The following CTNNA3 variants were observed in gnomAD, a reference collection of about 807,000 sequenced individuals.
CTNNA3 encodes the protein catenin alpha 3, also known as catenin alpha-3.
CTNNA3 carries 76 observed loss-of-function variants against 95.7 expected under a neutral mutation model. The observed-to-expected ratio is 0.79, with a 90% CI of 0.66 to 0.96. The LOEUF (loss-of-function observed/expected upper bound fraction) is 0.96, where lower values mean the gene tolerates loss of function less well. CTNNA3 is among the 40% of genes least tolerant of loss of function. The pLI is 0.00. For missense variants in CTNNA3, 1,191 were observed against 1,089.8 expected (o/e 1.09, Z -1.31); for synonymous variants, 431 against 374.4 (o/e 1.15, Z -1.74).
intron 1 of CTNNA3, among the ~76,000 whole-genome samples, chr10:67,691,293 C>T (rs907046948): frequency 1.2e-4 from 18 of 152,346 alleles, no homozygotes; most frequent in African/African-American, 4.3e-4. Flanking sequence ...GCCGAGATTG[C>T]AGCCTCTGCC....
intron 9 of CTNNA3, among the ~76,000 whole-genome samples, chr10:66,695,877 A>G (rs1319065829): frequency 7.3e-6 from 1 of 136,996 alleles, no homozygotes; most frequent in African/African-American, 2.7e-5. Flanking sequence ...ACTAATGGAG[A>G]CAACTTAGCC....
intron 4 of CTNNA3, among the ~76,000 whole-genome samples, chr10:67,531,368 G>T (rs911135150): frequency 6.6e-6 from 1 of 152,200 alleles, no homozygotes; most frequent in Non-Finnish European, 1.5e-5. Context: ...AAGACCATGG[G>T]AACCCACTTC....
chr10:67,724,343 G>A (rs899511355), intron 1 of CTNNA3, among the ~76,000 whole-genome samples: 6 of 152,124 alleles, frequency 3.9e-5, no homozygotes, highest in African/African-American at 9.7e-5. Context: ...CTGGTATATG[G>A]TATCTCTCTA....
At chr10:67,659,496 G>A (rs1396638308) in intron 1 of CTNNA3, among the ~76,000 whole-genome samples, 1 of 152,136 alleles carries the variant, frequency 6.6e-6, no homozygotes, top group Non-Finnish European at 1.5e-5. Flanking sequence ...CATATAAAAA[G>A]TATGCCAAAA....
chr10:67,391,762 C>T (rs1844499484), intron 5 of CTNNA3, among the ~76,000 whole-genome samples: 1 of 150,282 alleles, frequency 6.7e-6, no homozygotes, highest in Non-Finnish European at 1.5e-5. Flanking sequence ...ATATCTACAA[C>T]TATCTGATCT....
At chr10:65,954,607 C>T (rs1317930820) in intron 17 of CTNNA3, among the ~76,000 whole-genome samples, 2 of 152,304 alleles carry the variant, frequency 1.3e-5, no homozygotes, top group East Asian at 1.9e-4. Context: ...CTACATATAA[C>T]TAGCCAGTTT....
intron 17 of CTNNA3, among the ~76,000 whole-genome samples, chr10:65,923,305 A>G (rs1809254946): frequency 6.6e-6 from 1 of 152,238 alleles, no homozygotes; most frequent in Admixed American, 6.5e-5. Flanking sequence ...GCACCTCAAG[A>G]TTGACCTAAT....
intron 7 of CTNNA3, among the ~76,000 whole-genome samples, chr10:66,790,318 G>A (rs777074003): frequency 1.3e-5 from 2 of 151,996 alleles, no homozygotes; most frequent in Non-Finnish European, 2.9e-5. Context: ...GCGTGGTGGT[G>A]CACATCTGTA....
chr10:66,057,939 TC>T (rs1230295899), intron 15 of CTNNA3, among the ~76,000 whole-genome samples: 1 of 152,144 alleles, frequency 6.6e-6, no homozygotes, highest in Non-Finnish European at 1.5e-5. Flanking sequence ...AGTAGTCTTA[TC>T]AAGTAATGTA....
intron 15 of CTNNA3, among the ~76,000 whole-genome samples, chr10:66,028,451 T>C (rs922890428): frequency 4.2e-4 from 64 of 152,142 alleles, no homozygotes; most frequent in African/African-American, 1.5e-3. Flanking sequence ...TGTAAGGACA[T>C]AGATGAAGCT....
chr10:67,117,832 C>A (rs1295450600), intron 7 of CTNNA3, among the ~76,000 whole-genome samples: 2 of 151,956 alleles, frequency 1.3e-5, no homozygotes, highest in Non-Finnish European at 2.9e-5. Flanking sequence ...GGGATCAGTG[C>A]TAGCACAGGT....
At chr10:67,479,606 A>G (rs1848142913) in intron 5 of CTNNA3, among the ~76,000 whole-genome samples, 1 of 152,192 alleles carries the variant, frequency 6.6e-6, no homozygotes. Flanking sequence ...ATGTTAATTT[A>G]TAATACTAAA....
In CTNNA3 at chr10:67,313,699, A is replaced by C. The variant is rs1177748499; in HGVS notation, c.580-93829T>G. On this transcript the variant is annotated intron_variant, in intron 5 of 17. Coordinates refer to ENST00000433211, the MANE Select transcript of CTNNA3 (RefSeq NM_013266.4). ...AAAAGTATAGGTGAGAGGTGGAGAA[A>C]GTCTGAACCAAGATAGTAGCAACAA... Among the ~76,000 whole-genome samples, 3 of 152,224 alleles carry C rather than the reference A, an allele frequency of 2.0e-5. No individual in the cohort carries two copies. In the East Asian group the frequency reaches 5.8e-4, roughly 29 times the overall value.
chr10:66,004,309 A>G (rs2078835422), intron 15 of CTNNA3, among the ~76,000 whole-genome samples: 2 of 152,334 alleles, frequency 1.3e-5, no homozygotes, highest in Admixed American at 6.5e-5. Context: ...ACCTGAACCA[A>G]TCCCAAGGAT....
chr10:66,305,877 C>T (rs2091926953), intron 12 of CTNNA3, among the ~76,000 whole-genome samples: 1 of 152,202 alleles, frequency 6.6e-6, no homozygotes. Context: ...TGCACTTTGC[C>T]TCACTTATCA....
chr10:66,913,032 G>A (rs1846288210), intron 7 of CTNNA3, among the ~76,000 whole-genome samples: 1 of 152,010 alleles, frequency 6.6e-6, no homozygotes, highest in Non-Finnish European at 1.5e-5. Context: ...GAGGTCAGGA[G>A]ATCGAGACCA....
chr10:67,043,138 T>C (rs1291816651), intron 7 of CTNNA3, among the ~76,000 whole-genome samples: 4 of 141,080 alleles, frequency 2.8e-5, no homozygotes, highest in East Asian at 2.0e-4. Flanking sequence ...TTTCTTTCTT[T>C]TTTTTTTTTT....
chr10:66,217,082 G>A (rs1177594958), intron 13 of CTNNA3, among the ~76,000 whole-genome samples: 1 of 152,046 alleles, frequency 6.6e-6, no homozygotes, highest in Non-Finnish European at 1.5e-5. Flanking sequence ...ACAGCCGGGC[G>A]CGTTGGCTCA....
intron 7 of CTNNA3, among the ~76,000 whole-genome samples, chr10:66,988,043 T>C (rs1850832042): frequency 6.6e-6 from 1 of 152,140 alleles, no homozygotes; most frequent in South Asian, 2.1e-4. Context: ...ATTTAGTCTT[T>C]TTGTCAATAA....
Sources: gnomAD v4.1 joint callset for allele counts (sites outside exome capture counted in the v4.1 genomes callset) on GRCh38, gnomAD v4.1.1 for gene constraint, MANE v1.5 for transcripts, NCBI Gene and HGNC (gene_info 2026-07-23, HGNC 2026-07-21) for gene names.